The following RAD52 variants were observed in gnomAD, a reference collection of about 807,000 sequenced individuals.
RAD52 encodes the protein DNA repair protein RAD52 homolog.
A neutral mutation model predicts 55.5 loss-of-function variants in RAD52; 47 were observed. The ratio of observed to expected loss-of-function variants is 0.85; its 90% CI spans 0.67 to 1.08. RAD52 has a LOEUF of 1.08. Ranked by LOEUF, RAD52 falls within the 50% of genes least tolerant of loss-of-function variation. The pLI, the probability that RAD52 is intolerant of heterozygous loss-of-function variation, is 0.00. For missense variants in RAD52, 468 were observed against 522.8 expected, an observed-to-expected ratio of 0.90 and a Z score of 1.02; for synonymous variants, 184 against 198.9, an observed-to-expected ratio of 0.92 and a Z score of 0.63.
At chr12:966,259 G>A (rs190272448) in intron 1 of RAD52, among the ~76,000 whole-genome samples, 5 of 152,084 alleles carry the variant, frequency 3.3e-5, no homozygotes, top group South Asian at 2.1e-4. Context: ...GAGCCACCGC[G>A]ATGGGCCCAA....
At chr12:916,167 AG>A (rs1166490276) in intron 9 of RAD52, 176 bp downstream of exon 9, 1 of 1,363,248 alleles carries the variant, frequency 7.3e-7, no homozygotes, top group East Asian at 2.8e-5. Context: ...GAAAATGTAC[AG>A]CAGATTTAAA....
At chr12:967,481 G>GTTGA (rs1302210379) in intron 1 of RAD52, among the ~76,000 whole-genome samples, 1 of 151,680 alleles carries the variant, frequency 6.6e-6, no homozygotes, top group Non-Finnish European at 1.5e-5. Context: ...TAGGTGGCTA[G>GTTGA]TGGGTACCCC....
rs373065426 is a variant in RAD52 at position 916,338 on chromosome 12, G to A, written c.865+6C>T. On this transcript the variant is annotated splice_donor_region_variant and intron_variant, in intron 9 of 11. Coordinates refer to ENST00000358495, the MANE Select transcript of RAD52 (RefSeq NM_134424.4). The stretch of plus-strand genomic sequence containing the variant: ...TCCCAGGGCCCTGCTCCCACCCCTC[G>A]CTCACCCTCACTCTTCTCAGCTGAC... The A allele has an allele frequency of 1.2e-4, 199 of 1,604,114 alleles. No individual in the cohort carries two copies. The highest frequency in any genetic ancestry group is 1.6e-4 in the Non-Finnish European group (192 of 1,179,864).
At chr12:919,291 T>C (rs534473658) in intron 7 of RAD52, among the ~76,000 whole-genome samples, 5 of 151,924 alleles carry the variant, frequency 3.3e-5, no homozygotes, top group Admixed American at 2.6e-4. Flanking sequence ...ACTAAAAGTA[T>C]AAAAATTAGC....
chr12:936,750 T>C (rs972459227), intron 1 of RAD52: 3 of 152,172 alleles, frequency 2.0e-5, no homozygotes, highest in African/African-American at 7.2e-5. Flanking sequence ...AAGTGTTTTT[T>C]ATGTGTGCAT....
chr12:962,488 C>T (rs1328429570), intron 1 of RAD52, among the ~76,000 whole-genome samples: 1 of 150,680 alleles, frequency 6.6e-6, no homozygotes, highest in African/African-American at 2.4e-5. Context: ...TACAGGTGCC[C>T]GCCACCACGC....
chr12:960,285 T>C (rs1958665975), intron 1 of RAD52, among the ~76,000 whole-genome samples: 1 of 152,102 alleles, frequency 6.6e-6, no homozygotes, highest in African/African-American at 2.4e-5. Context: ...ATATGGAAAA[T>C]GTGTTCACAG....
intron 5 of RAD52, chr12:929,617 G>A: frequency 1.3e-6 from 1 of 771,136 alleles, no homozygotes; most frequent in Non-Finnish European, 2.4e-6. Context: ...GTGTCAGCTT[G>A]AACATGTGCA....
intron 1 of RAD52, among the ~76,000 whole-genome samples, chr12:982,405 G>C (rs1319319434): frequency 6.6e-6 from 1 of 152,096 alleles, no homozygotes; most frequent in Non-Finnish European, 1.5e-5. Flanking sequence ...TTTTACTAAA[G>C]CAACCAAAAG....
chr12:986,309 C>T (rs928223430), intron 1 of RAD52, among the ~76,000 whole-genome samples: 1 of 151,956 alleles, frequency 6.6e-6, no homozygotes, highest in African/African-American at 2.4e-5. Context: ...AGCAATCCTT[C>T]TGCCTCAGTT....
At chr12:915,708 T>C (rs1956324317) in intron 9 of RAD52, among the ~76,000 whole-genome samples, 1 of 125,288 alleles carries the variant, frequency 8.0e-6, no homozygotes, top group Non-Finnish European at 1.8e-5. Context: ...ACACAAGGCT[T>C]GTTTTTTTTT....
chr12:914,496 G>T lies in RAD52; in HGVS notation c.902C>A (p.Pro301His), dbSNP rs1197165292. ...CAGGAGTGGTTCTGAGACAGTTACA[G>T]GAGTGCTGTGCGTCACAGGAGGGGC... Reference protein sequence around the residue: ...PPAPPVTHSTPVTVSEPLLEK... With the variant: ...PPAPPVTHSTHVTVSEPLLEK... The change falls in exon 10 of 12, where the codon CCT becomes CAT. Residue 301 changes from proline to histidine, a missense_variant. Transcript: ENST00000358495. 5 of 1,613,794 alleles carry T rather than the reference G, an allele frequency of 3.1e-6. No individual in the cohort carries two copies. In the South Asian group the frequency reaches 5.5e-5, roughly 18 times the overall value.
intron 1 of RAD52, among the ~76,000 whole-genome samples, chr12:943,792 G>T (rs543020379): frequency 2.4e-4 from 23 of 97,238 alleles, no homozygotes; most frequent in South Asian, 1.2e-3. Context: ...TTTTTTTTGG[G>T]TTTTTTTTGC....
Position 912,345 on chromosome 12 carries a change from T to A in RAD52, c.*1046A>T, listed in dbSNP as rs896727660. 4.9e-6 allele frequency: 1 copy of A among 202,304 alleles called. No individual in the cohort carries two copies. Among genetic ancestry groups the A allele is most frequent in the South Asian group, 1.9e-4 (1 of 5,240 alleles). The allele number at this position is 202,304 out of a possible 1,614,324, so 12.5% of individuals were successfully genotyped here. On this transcript the variant is annotated 3_prime_UTR_variant, in exon 12 of 12. Transcript: ENST00000358495. ...CAGCCCTCTTCAGCTGCAGTGTATC[T>A]TCTTATACAAAAACTCTGTTTCATG...
Position 926,990 on chromosome 12 carries a change from C to T in RAD52, c.467+155G>A, listed in dbSNP as rs768091900. 693 of 1,568,512 alleles carry T rather than the reference C, an allele frequency of 4.4e-4. 1 individual carries two copies. Among genetic ancestry groups the T allele is most frequent in the Non-Finnish European group, 5.8e-4 (667 of 1,157,818 alleles). On this transcript the variant is annotated intron_variant, in intron 6 of 11. Transcript: ENST00000358495. ...AAAAATACTAACGAAAGTGGGAAAA[C>T]GGCAGACAGGAACCAGGGCAGGGGT...
chr12:964,743 A>C (rs553675355), intron 1 of RAD52, among the ~76,000 whole-genome samples: 64 of 151,996 alleles, frequency 4.2e-4, no homozygotes, highest in Middle Eastern at 6.8e-3. Context: ...ACGCCCAGCT[A>C]ATTTTTTTAT....
At chr12:984,554 G>A (rs1959061055) in intron 1 of RAD52, among the ~76,000 whole-genome samples, 2 of 151,864 alleles carry the variant, frequency 1.3e-5, no homozygotes, top group South Asian at 4.1e-4. Flanking sequence ...AATCATATAA[G>A]ATCTATACTT....
intron 1 of RAD52, among the ~76,000 whole-genome samples, chr12:940,125 A>C (rs999861473): frequency 2.0e-5 from 3 of 152,082 alleles, no homozygotes; most frequent in African/African-American, 7.2e-5. Flanking sequence ...AGATGGAACT[A>C]AAATATCACC....
At chr12:981,033 TATC>T (rs1313221777) in intron 1 of RAD52, among the ~76,000 whole-genome samples, 1 of 152,064 alleles carries the variant, frequency 6.6e-6, no homozygotes. Flanking sequence ...CTCATTTAAA[TATC>T]ATCTAAATCA....
Sources: allele counts gnomAD v4.1 joint callset (sites outside exome capture counted in the v4.1 genomes callset), GRCh38; gene constraint gnomAD v4.1.1; transcripts MANE v1.5; gene names NCBI Gene and HGNC (gene_info 2026-07-23, HGNC 2026-07-21).